Variants in ABCB4 observed in about 807,000 individuals in gnomAD.
ABCB4 encodes the protein phosphatidylcholine translocator ABCB4.
Under a neutral mutation model 145.7 loss-of-function variants are expected in ABCB4, and 76 were observed. That is an observed-to-expected ratio of 0.52 (90% CI 0.43 to 0.63). The LOEUF is 0.63. Among genes scored for constraint, ABCB4 ranks in the 30% least tolerant of loss-of-function variants. The pLI is 0.00. For synonymous variants in ABCB4, 517 were observed against 566.8 expected, an observed-to-expected ratio of 0.91 and a Z score of 1.25; for missense variants, 1,234 against 1,553.1, an observed-to-expected ratio of 0.79 and a Z score of 3.45.
chr7:87,382,320 G>C, the ABCB4 span: 2 of 1,447,212 alleles, frequency 1.4e-6, no homozygotes, highest in African/African-American at 1.4e-5. Flanking sequence ...CTTTATGTCT[G>C]GTGATTACTT....
intron 3 of ABCB4, 66 bp from the exon 4 acceptor site, chr7:87,462,974 A>G (rs1192380453): frequency 8.4e-6 from 12 of 1,423,954 alleles, no homozygotes; most frequent in Non-Finnish European, 1.1e-5. Flanking sequence ...ATAATTATAT[A>G]TTCTTTGGAT....
intron 21 of ABCB4, among the ~76,000 whole-genome samples, chr7:87,414,001 C>T (rs553770405): frequency 4.3e-4 from 65 of 152,294 alleles, no homozygotes; most frequent in African/African-American, 1.5e-3. Context: ...GGTTCTATTC[C>T]CAGCCTGCCA....
intron 6 of ABCB4, 125 bp from the exon 7 acceptor site, chr7:87,451,919 TA>T: frequency 1.1e-6 from 1 of 871,482 alleles, no homozygotes; most frequent in Non-Finnish European, 1.9e-6. Flanking sequence ...TTCAGAGTCT[TA>T]GCCTCTTGAA....
At chr7:87,425,710 C>T (rs1027523593) in intron 16 of ABCB4, among the ~76,000 whole-genome samples, 1 of 151,638 alleles carries the variant, frequency 6.6e-6, no homozygotes, top group African/African-American at 2.4e-5. Flanking sequence ...CTCGTCTCTA[C>T]AAAAAGCACA....
At chr7:87,398,555 T>C (rs1807630458), downstream of ABCB4, 3 of 1,613,922 alleles carry the variant, frequency 1.9e-6, no homozygotes, top group South Asian at 3.3e-5. Flanking sequence ...CTGGAAATCC[T>C]GTCCCGAGAC....
At chr7:87,424,322 G>A (rs1220949919) in intron 16 of ABCB4, among the ~76,000 whole-genome samples, 1 of 152,172 alleles carries the variant, frequency 6.6e-6, no homozygotes, top group African/African-American at 2.4e-5. Flanking sequence ...AGCAGACTGC[G>A]AGGTAGCAGG....
the ABCB4 span, among the ~76,000 whole-genome samples, chr7:87,370,624 A>G: frequency 1.3e-5 from 2 of 152,248 alleles, no homozygotes; most frequent in African/African-American, 2.4e-5. Context: ...ACAGAAATGT[A>G]CAACTAAATA....
intron 4 of ABCB4, among the ~76,000 whole-genome samples, chr7:87,459,949 G>A (rs1277413214): frequency 6.6e-6 from 1 of 152,230 alleles, no homozygotes. Flanking sequence ...TAATTTCAAA[G>A]TAGGGGCAGT....
At chr7:87,382,337 A>G in the ABCB4 span, 5 of 1,485,610 alleles carry the variant, frequency 3.4e-6, no homozygotes, top group Non-Finnish European at 4.6e-6. Context: ...ACTTTAATGC[A>G]GGTGATAATT....
In ABCB4 at chr7:87,472,653, T is replaced by C. The variant is rs879209136; in HGVS notation, c.103A>G (p.Lys35Glu). 2 of 1,609,526 alleles carry C rather than the reference T, an allele frequency of 1.2e-6. No individual in the cohort carries two copies. The highest frequency in any genetic ancestry group is 2.2e-5 in the South Asian group (2 of 90,900). The part of the protein sequence containing the change: ...ISSKQKRKKT[K>E]TVKMIGVLTL... ...AATACTCCAATCATTTTCACTGTCT[T>C]CGTTTTTTTCCTTTTTTGTTTGCTG... The change falls in exon 3 of 28, where the codon AAG becomes GAG. Residue 35 changes from lysine to glutamate, a missense_variant. Physicochemically the swap from Lys to Glu is moderately conservative, Grantham distance 56. Around this residue, in one of 7 missense-constraint regions of ABCB4, gnomAD observed 77 missense variants for 73.3 expected, o/e 1.05. Coordinates refer to ENST00000649586, the MANE Select transcript of ABCB4 (RefSeq NM_000443.4).
the ABCB4 span, among the ~76,000 whole-genome samples, chr7:87,391,341 G>A: frequency 7.7e-3 from 1,177 of 152,308 alleles, 11 homozygotes; most frequent in Non-Finnish European, 8.5e-3. Context: ...CAGGAATCAC[G>A]GGGGCCATCT....
intron 7 of ABCB4, among the ~76,000 whole-genome samples, chr7:87,451,139 ATT>A (rs72422284): frequency 6.9e-6 from 1 of 145,600 alleles, no homozygotes; most frequent in Non-Finnish European, 1.5e-5. Flanking sequence ...AGAACTGTGA[ATT>A]TTTTTTTTTT....
the ABCB4 span, among the ~76,000 whole-genome samples, chr7:87,391,307 C>T: frequency 1.3e-5 from 2 of 152,226 alleles, no homozygotes; most frequent in Non-Finnish European, 2.9e-5. Flanking sequence ...TGAGGGGTTA[C>T]AGCAGAGCAT....
rs539050938 is a variant in ABCB4, at chr7:87,418,665, A to G, written c.2395-45T>C. The G allele has an allele frequency of 1.1e-5, 18 of 1,587,920 alleles. No individual in the cohort carries two copies. In the African/African-American group the frequency reaches 1.7e-4, roughly 15 times the overall value. On this transcript the variant is annotated intron_variant, in intron 19 of 27. Coordinates refer to ENST00000649586, the MANE Select transcript of ABCB4 (RefSeq NM_000443.4). Reference sequence around the variant, plus strand: ...TTTATGTTAGTTCAAAATTAAAACAAGCAAAGAAAACCAGACAAAGCCTCC... The same window carrying G: ...TTTATGTTAGTTCAAAATTAAAACAGGCAAAGAAAACCAGACAAAGCCTCC...
At chr7:87,452,257 C>T in intron 6 of ABCB4, 1 of 238,036 alleles carries the variant, frequency 4.2e-6, no homozygotes, top group Non-Finnish European at 8.2e-6. Context: ...TTTGAAAATG[C>T]AAGTCTGACC....
the ABCB4 span, among the ~76,000 whole-genome samples, chr7:87,386,973 T>C: frequency 1.3e-5 from 2 of 152,130 alleles, no homozygotes; most frequent in African/African-American, 4.8e-5. Flanking sequence ...TCTGCCTTGA[T>C]CTCACTTCTT....
intron 4 of ABCB4, among the ~76,000 whole-genome samples, chr7:87,461,248 C>T (rs1812441541): frequency 6.6e-6 from 1 of 152,180 alleles, no homozygotes; most frequent in East Asian, 1.9e-4. Context: ...CAACACCCAG[C>T]CTCTTTAAAG....
intron 12 of ABCB4, among the ~76,000 whole-genome samples, chr7:87,441,051 T>C (rs1810950860): frequency 6.6e-6 from 1 of 152,204 alleles, no homozygotes; most frequent in African/African-American, 2.4e-5. Context: ...CTGGCCCATG[T>C]TTTGCTATTT....
chr7:87,416,927 G>A (rs45577439), intron 21 of ABCB4, among the ~76,000 whole-genome samples: 318 of 152,302 alleles, frequency 2.1e-3, no homozygotes, highest in African/African-American at 7.3e-3. Context: ...CCAAAAAGAA[G>A]AGGATCTCTT....
Sources: allele counts gnomAD v4.1 joint callset (sites outside exome capture counted in the v4.1 genomes callset), GRCh38; gene constraint gnomAD v4.1.1; regional missense constraint gnomAD v4.1.1; transcripts MANE v1.5; gene names NCBI Gene and HGNC (gene_info 2026-07-23, HGNC 2026-07-21).